The following TRERF1 variants were observed in gnomAD, a reference collection of about 807,000 sequenced individuals.
The protein encoded by TRERF1 is transcriptional regulating factor 1.
In TRERF1, 27 loss-of-function variants were observed where a neutral mutation model predicts 122.9. That is an observed-to-expected ratio of 0.22 (90% CI 0.16 to 0.30). The LOEUF is 0.30. Ranked by LOEUF, TRERF1 falls within the 10% of genes least tolerant of loss-of-function variation. TRERF1 has a pLI of 1.00. For synonymous variants in TRERF1, 636 were observed against 641.7 expected (o/e 0.99, Z 0.13); for missense variants, 1,248 against 1,560.3 (o/e 0.80, Z 3.37).
intron 3 of TRERF1, among the ~76,000 whole-genome samples, chr6:42,350,975 A>C (rs57630553): frequency 1.3e-5 from 2 of 151,222 alleles, no homozygotes; most frequent in African/African-American, 2.4e-5. Context: ...TCTCTCTCTC[A>C]CTCTCTCCCT....
At chr6:42,425,275 C>T (rs1160283592) in intron 2 of TRERF1, among the ~76,000 whole-genome samples, 1 of 152,164 alleles carries the variant, frequency 6.6e-6, no homozygotes, top group Non-Finnish European at 1.5e-5. Context: ...ATAAGAGCTA[C>T]CATTTACACA....
intron 6 of TRERF1, 28 bp from the exon 7 acceptor site, chr6:42,264,882 G>A: frequency 6.2e-7 from 1 of 1,611,840 alleles, no homozygotes; most frequent in Non-Finnish European, 8.5e-7. Context: ...CAAATGGAGA[G>A]GACACATACG....
At chr6:42,445,778 C>T (rs564727297) in intron 2 of TRERF1, among the ~76,000 whole-genome samples, 15 of 152,256 alleles carry the variant, frequency 9.9e-5, no homozygotes, top group Admixed American at 3.9e-4. Flanking sequence ...TCTCCATGCA[C>T]CTCCTTCGCC....
chr6:42,265,877 G>A lies in TRERF1; in HGVS notation c.1438-80C>T, dbSNP rs1352507547. On this transcript the variant is annotated intron_variant, in intron 5 of 17. Coordinates refer to ENST00000372922, the Ensembl canonical transcript of TRERF1. ...GAAGGGAGAAGTCCTCGAGCAGTGG[G>A]AACACCAGGTACTCTTCCAGGACTC... 7.0e-6 allele frequency: 10 copies of A among 1,437,362 alleles called. No homozygotes were observed. The East Asian group carries it at 2.2e-4, about 31-fold the overall frequency. 89.0% of individuals were successfully genotyped at this position (1,437,362 alleles called of 1,614,324 possible).
Position 42,426,702 on chromosome 6 carries a change from C to T in TRERF1, c.-454+24475G>A, listed in dbSNP as rs193002785. On this transcript the variant is annotated intron_variant, in intron 2 of 17. Transcript: ENST00000372922. ...TTTTGTGAATGAAGTATGATTGGAA[C>T]GCAGACACGCTCATTCATTTACGAG... is the stretch of plus-strand genomic sequence containing the variant. Among the ~76,000 whole-genome samples the T allele has an allele frequency of 3.6e-3, 541 of 152,280 alleles. 3 individuals carry two copies. The highest frequency in any genetic ancestry group is 0.029 in the South Asian group (139 of 4,814).
intron 1 of TRERF1, among the ~76,000 whole-genome samples, 173 bp downstream of exon 1, chr6:42,451,501 C>T (rs1325746035): frequency 1.3e-5 from 2 of 151,906 alleles, no homozygotes; most frequent in East Asian, 1.9e-4. Context: ...TCCTCCACCA[C>T]CCCAGCAAGA....
chr6:42,378,117 A>G (rs895122036), intron 2 of TRERF1, among the ~76,000 whole-genome samples: 3 of 152,170 alleles, frequency 2.0e-5, no homozygotes, highest in Admixed American at 6.5e-5. Context: ...ATAACAGCTC[A>G]TTGGCCAGGT....
At chr6:42,284,231 AT>A (rs34764742) in intron 4 of TRERF1, among the ~76,000 whole-genome samples, 3,916 of 139,556 alleles carry the variant, frequency 0.028, 30 homozygotes, top group Non-Finnish European at 0.038. Context: ...ATAATTTTTA[AT>A]TTTTTTTTTT....
At chr6:42,442,463 A>C (rs938682906) in intron 2 of TRERF1, among the ~76,000 whole-genome samples, 3 of 152,116 alleles carry the variant, frequency 2.0e-5, no homozygotes, top group African/African-American at 7.2e-5. Context: ...CACCATCTAG[A>C]AATGACCACT....
At chr6:42,347,250 T>A (rs931886072) in intron 3 of TRERF1, among the ~76,000 whole-genome samples, 3 of 152,130 alleles carry the variant, frequency 2.0e-5, no homozygotes, top group Admixed American at 2.0e-4. Flanking sequence ...CACCCACCTC[T>A]CCCAAAGGCA....
chr6:42,343,621 G>C (rs866264431), intron 3 of TRERF1, among the ~76,000 whole-genome samples: 1 of 152,190 alleles, frequency 6.6e-6, no homozygotes, highest in African/African-American at 2.4e-5. Context: ...CCTAAGGACA[G>C]AGCGTATGTG....
At chr6:42,430,384 C>T (rs930427476) in intron 2 of TRERF1, among the ~76,000 whole-genome samples, 8 of 152,142 alleles carry the variant, frequency 5.3e-5, no homozygotes, top group African/African-American at 1.4e-4. Flanking sequence ...GACCATCTTC[C>T]CTCACTCCAA....
chr6:42,385,816 A>G (rs1182525409), intron 2 of TRERF1, among the ~76,000 whole-genome samples: 4 of 152,250 alleles, frequency 2.6e-5, no homozygotes, highest in Non-Finnish European at 1.5e-5. Flanking sequence ...TATTCATCAA[A>G]GAATAAATCT....
intron 8 of TRERF1, among the ~76,000 whole-genome samples, chr6:42,262,288 C>G (rs1454152321): frequency 2.0e-5 from 3 of 152,028 alleles, no homozygotes; most frequent in African/African-American, 2.4e-5. Context: ...TCTTCTCTCC[C>G]TCTACCCTGG....
At chr6:42,252,878 C>A (rs1403646941) in intron 13 of TRERF1, among the ~76,000 whole-genome samples, 1 of 152,202 alleles carries the variant, frequency 6.6e-6, no homozygotes, top group Non-Finnish European at 1.5e-5. Flanking sequence ...GACTGGCAAA[C>A]ATAGGTGAGT....
chr6:42,316,693 G>T (rs983672083), intron 3 of TRERF1, among the ~76,000 whole-genome samples: 2 of 152,086 alleles, frequency 1.3e-5, no homozygotes, highest in Admixed American at 6.5e-5. Context: ...TCCCTGAAAC[G>T]AACCCCCTCC....
At chr6:42,404,344 C>T (rs1194035905) in intron 2 of TRERF1, among the ~76,000 whole-genome samples, 1 of 152,136 alleles carries the variant, frequency 6.6e-6, no homozygotes, top group African/African-American at 2.4e-5. Context: ...TGCACACCTC[C>T]ACATCCAGGG....
In TRERF1 at chr6:42,270,978, AGGAT is replaced by A. The variant is rs999689852; in HGVS notation, c.-258-1134_-258-1131del. 1.1e-3 allele frequency among the ~76,000 whole-genome samples: 165 copies of A among 152,012 alleles called. 2 individuals are homozygous for A. The highest frequency in any genetic ancestry group is 3.8e-3 in the African/African-American group (156 of 41,486). The stretch of plus-strand genomic sequence containing the variant: ...GAGACAGGGTTTCACCGTGTTAGCC[AGGAT>A]GGTCTCGATCTCCTGACCTCATGAT... On this transcript the variant is annotated intron_variant, in intron 4 of 17. Coordinates refer to ENST00000372922, the Ensembl canonical transcript of TRERF1.
intron 2 of TRERF1, among the ~76,000 whole-genome samples, chr6:42,364,534 A>G (rs1315083211): frequency 6.6e-6 from 1 of 152,240 alleles, no homozygotes; most frequent in Non-Finnish European, 1.5e-5. Context: ...TGATGGAATC[A>G]AAGAAGCCAA....
Sources: gnomAD v4.1 joint callset for allele counts (sites outside exome capture counted in the v4.1 genomes callset) on GRCh38, gnomAD v4.1.1 for gene constraint, MANE v1.5 for transcripts, NCBI Gene and HGNC (gene_info 2026-07-23, HGNC 2026-07-21) for gene names.